Variants in MAP3K20 observed in about 807,000 individuals in gnomAD.
MAP3K20 encodes mitogen-activated protein kinase kinase kinase 20.
MAP3K20 carries 40 observed loss-of-function variants against 85.7 expected under a neutral mutation model. That is an observed-to-expected ratio of 0.47 (90% CI 0.36 to 0.61). MAP3K20 has a LOEUF of 0.61. MAP3K20 is among the 20% of genes least tolerant of loss of function. The pLI, the probability that MAP3K20 is intolerant of heterozygous loss-of-function variation, is 0.00. For synonymous variants in MAP3K20, 325 were observed against 327.7 expected (o/e 0.99, Z 0.09); for missense variants, 817 against 961.7 (o/e 0.85, Z 1.99).
intron 3 of MAP3K20, among the ~76,000 whole-genome samples, chr2:173,177,467 T>C (rs1215605618): frequency 5.1e-5 from 6 of 116,892 alleles, no homozygotes; most frequent in African/African-American, 1.8e-4. Flanking sequence ...TTTTTTGAGA[T>C]GAAGTCTCAT....
intron 2 of MAP3K20, among the ~76,000 whole-genome samples, chr2:173,120,375 C>G (rs1048996038): frequency 2.0e-5 from 3 of 151,930 alleles, no homozygotes; most frequent in Admixed American, 2.0e-4. Flanking sequence ...GGAGTCACCC[C>G]ATGAACCCCC....
chr2:173,222,406 C>G (rs1684276902), intron 11 of MAP3K20: 6 of 985,806 alleles, frequency 6.1e-6, no homozygotes, highest in Non-Finnish European at 7.2e-6. Flanking sequence ...GATTTGAAAC[C>G]AACAGCAGAT....
chr2:173,209,573 C>G lies in MAP3K20; in HGVS notation c.745-156C>G, dbSNP rs1683809314. On this transcript the variant is annotated intron_variant, in intron 9 of 19. Coordinates refer to ENST00000375213, the MANE Select transcript of MAP3K20 (RefSeq NM_016653.3). Reference sequence around the variant, plus strand: ...ATAGAGCTCCCTAAACCTGAGTGATCTGATGATTGTAAAATAACTACATCA... The same window carrying G: ...ATAGAGCTCCCTAAACCTGAGTGATGTGATGATTGTAAAATAACTACATCA... 11 of 593,972 alleles carry G rather than the reference C, an allele frequency of 1.9e-5. No individual in the cohort carries two copies. In the South Asian group the frequency reaches 2.6e-4, roughly 14 times the overall value. 36.8% of individuals were successfully genotyped at this position (593,972 alleles called of 1,614,324 possible).
intron 11 of MAP3K20, among the ~76,000 whole-genome samples, chr2:173,220,976 A>G (rs1684228952): frequency 6.6e-6 from 1 of 152,210 alleles, no homozygotes; most frequent in Non-Finnish European, 1.5e-5. Flanking sequence ...TATGGCAAAT[A>G]TGCTGGAGCC....
At chr2:173,256,878 G>A (rs1042274034) in intron 16 of MAP3K20, among the ~76,000 whole-genome samples, 2 of 152,108 alleles carry the variant, frequency 1.3e-5, no homozygotes, top group Admixed American at 1.3e-4. Context: ...CAGTTCAGGT[G>A]CAGTGGCTTA....
At chr2:173,081,677 C>A (rs1687018276) in intron 1 of MAP3K20, among the ~76,000 whole-genome samples, 1 of 152,156 alleles carries the variant, frequency 6.6e-6, no homozygotes, top group South Asian at 2.1e-4. Context: ...CTTAGCTTCT[C>A]ACCCAGTTTG....
intron 11 of MAP3K20, chr2:173,224,658 G>A (rs753151997): frequency 8.3e-5 from 82 of 985,048 alleles, no homozygotes; most frequent in Non-Finnish European, 9.6e-5. Context: ...CGTAGAACTG[G>A]ACTATTGATC....
At chr2:173,186,103 G>T (rs1001045371) in intron 4 of MAP3K20, among the ~76,000 whole-genome samples, 10 of 151,972 alleles carry the variant, frequency 6.6e-5, no homozygotes, top group Admixed American at 1.3e-4. Flanking sequence ...ATACTTTATG[G>T]TACTTTTTTC....
intron 16 of MAP3K20, among the ~76,000 whole-genome samples, chr2:173,243,779 A>T (rs1399746842): frequency 1.3e-5 from 2 of 151,912 alleles, no homozygotes; most frequent in Non-Finnish European, 2.9e-5. Context: ...TCCCGCCACC[A>T]CGCCCGGCTA....
At chr2:173,167,632 A>G (rs935693728) in intron 2 of MAP3K20, among the ~76,000 whole-genome samples, 1 of 152,190 alleles carries the variant, frequency 6.6e-6, no homozygotes, top group African/African-American at 2.4e-5. Flanking sequence ...GATAGAGGAT[A>G]ATGATTGTTA....
intron 16 of MAP3K20, among the ~76,000 whole-genome samples, chr2:173,243,250 C>T (rs1315498428): frequency 2.6e-5 from 4 of 152,138 alleles, no homozygotes; most frequent in Non-Finnish European, 5.9e-5. Context: ...GGATCTACAA[C>T]AGATGGGAAA....
At chr2:173,227,190 T>C (rs780048032) in intron 11 of MAP3K20, 130 of 954,052 alleles carry the variant, frequency 1.4e-4, no homozygotes, top group Non-Finnish European at 1.6e-4. Context: ...CCCTGTTAGA[T>C]TGGATTCCCA....
At chr2:173,093,159 T>C (rs76230219) in intron 2 of MAP3K20, among the ~76,000 whole-genome samples, 4,824 of 152,302 alleles carry the variant, frequency 0.032, 181 homozygotes, top group African/African-American at 0.087. Context: ...CAAGGAAATA[T>C]ACATTTCTTA....
At chr2:173,076,306 G>A (rs75059906) in intron 1 of MAP3K20, among the ~76,000 whole-genome samples, 4,807 of 152,150 alleles carry the variant, frequency 0.032, 109 homozygotes, top group Admixed American at 0.055. Flanking sequence ...AGAAGTTGGC[G>A]CCTGGAGGCG....
chr2:173,222,876 T>C, intron 11 of MAP3K20: 1 of 985,262 alleles, frequency 1.0e-6, no homozygotes, highest in Non-Finnish European at 1.2e-6. Context: ...CTTGTTTAAA[T>C]TATAAAACAC....
intron 2 of MAP3K20, among the ~76,000 whole-genome samples, chr2:173,109,190 T>C (rs539569879): frequency 2.0e-5 from 3 of 152,378 alleles, no homozygotes; most frequent in South Asian, 4.1e-4. Context: ...CAGGTTGTAA[T>C]TGGTAGCTGA....
At chr2:173,125,275 T>C (rs555714164) in intron 2 of MAP3K20, among the ~76,000 whole-genome samples, 1 of 152,362 alleles carries the variant, frequency 6.6e-6, no homozygotes, top group South Asian at 2.1e-4. Context: ...AACTATGTAA[T>C]ATGTTCTTGT....
At chr2:173,227,440 A>G (rs1341134856) in intron 11 of MAP3K20, among the ~76,000 whole-genome samples, 1 of 152,182 alleles carries the variant, frequency 6.6e-6, no homozygotes, top group African/African-American at 2.4e-5. Flanking sequence ...GCTGGAGATC[A>G]TTAACTCTTA....
intron 2 of MAP3K20, among the ~76,000 whole-genome samples, chr2:173,104,968 A>C (rs1415577182): frequency 6.6e-6 from 1 of 152,052 alleles, no homozygotes; most frequent in Non-Finnish European, 1.5e-5. Flanking sequence ...TCGTAGCTGG[A>C]GTGGAGTGTG....
Sources: gnomAD v4.1 joint callset for allele counts (sites outside exome capture counted in the v4.1 genomes callset) on GRCh38, gnomAD v4.1.1 for gene constraint, MANE v1.5 for transcripts, NCBI Gene and HGNC (gene_info 2026-07-23, HGNC 2026-07-21) for gene names.